NAALADL2: variants seen among roughly 807,000 people sequenced by gnomAD.
NAALADL2 encodes the protein N-acetylated alpha-linked acidic dipeptidase like 2, also known as inactive N-acetylated-alpha-linked acidic dipeptidase-like protein 2.
NAALADL2 carries 76 observed loss-of-function variants against 87.2 expected under a neutral mutation model. The ratio of observed to expected loss-of-function variants is 0.87; its 90% CI spans 0.72 to 1.05. NAALADL2 has a LOEUF of 1.05. NAALADL2 is among the 50% of genes least tolerant of loss of function. The pLI is 0.00. For synonymous variants in NAALADL2, 354 were observed against 331.0 expected (o/e 1.07, Z -0.75); for missense variants, 1,089 against 945.8 (o/e 1.15, Z -1.99).
At chr3:175,048,941 G>A (rs1041507753) in intron 1 of NAALADL2, among the ~76,000 whole-genome samples, 8 of 152,156 alleles carry the variant, frequency 5.3e-5, no homozygotes, top group African/African-American at 1.4e-4. Context: ...AAACCACTTA[G>A]TTTCCTAAGC....
At chr3:175,476,127 T>C (rs1419245210) in intron 9 of NAALADL2, among the ~76,000 whole-genome samples, 1 of 152,230 alleles carries the variant, frequency 6.6e-6, no homozygotes, top group Non-Finnish European at 1.5e-5. Flanking sequence ...ACTTTTTTTA[T>C]ATACAAAGCA....
chr3:175,176,171 A>G (rs1371806944), intron 2 of NAALADL2, among the ~76,000 whole-genome samples: 2 of 151,884 alleles, frequency 1.3e-5, no homozygotes, highest in Non-Finnish European at 1.5e-5. Flanking sequence ...GAGAGCTGTA[A>G]CTCTATTTCC....
chr3:174,931,875 A>G (rs1487425629), intron 1 of NAALADL2, among the ~76,000 whole-genome samples: 1 of 152,218 alleles, frequency 6.6e-6, no homozygotes, highest in East Asian at 1.9e-4. Flanking sequence ...CTTCTATTGC[A>G]TGATGGCTTG....
intron 2 of NAALADL2, among the ~76,000 whole-genome samples, chr3:174,721,568 G>C (rs1210344660): frequency 6.6e-6 from 1 of 152,164 alleles, no homozygotes; most frequent in Non-Finnish European, 1.5e-5. Context: ...ATAAAATAAC[G>C]TTTGTGTCTG....
At chr3:174,962,412 C>CAT (rs59026426) in intron 1 of NAALADL2, among the ~76,000 whole-genome samples, 1,594 of 88,800 alleles carry the variant, frequency 0.018, 66 homozygotes, top group African/African-American at 0.049. Context: ...GTGACTATGA[C>CAT]ATATATATAT....
chr3:175,116,969 C>A (rs1459807920), intron 2 of NAALADL2, among the ~76,000 whole-genome samples: 3 of 152,020 alleles, frequency 2.0e-5, no homozygotes, highest in Non-Finnish European at 4.4e-5. Flanking sequence ...ACATCTACAA[C>A]CATCTGATAT....
chr3:175,643,345 T>G (rs1729552853), intron 11 of NAALADL2, among the ~76,000 whole-genome samples: 1 of 152,230 alleles, frequency 6.6e-6, no homozygotes, highest in Non-Finnish European at 1.5e-5. Flanking sequence ...TACAAAAGTT[T>G]CTCTAGGATA....
chr3:175,709,103 G>T (rs1740159498), intron 11 of NAALADL2, among the ~76,000 whole-genome samples: 1 of 152,034 alleles, frequency 6.6e-6, no homozygotes, highest in South Asian at 2.1e-4. Context: ...ATCTCCACCA[G>T]TTCTACAGGG....
At position 174,930,298 on chromosome 3, in the gene NAALADL2, A is replaced by C. The variant is rs189548342; in HGVS notation, c.43+70848A>C. ...ATATTATTCCCTGTGATTTTTTTAAAAAAATGTTTTTATTTCTGTAATATA... is the reference window on the plus strand; with the variant it reads ...ATATTATTCCCTGTGATTTTTTTAACAAAATGTTTTTATTTCTGTAATATA... On this transcript the variant is annotated intron_variant, in intron 1 of 13. Coordinates refer to ENST00000454872, the MANE Select transcript of NAALADL2 (RefSeq NM_207015.3). 1.0e-3 allele frequency among the ~76,000 whole-genome samples: 153 copies of C among 152,176 alleles called. 1 individual carries two copies. The highest frequency in any genetic ancestry group is 3.5e-3 in the African/African-American group (145 of 41,538).
intron 1 of NAALADL2, among the ~76,000 whole-genome samples, chr3:175,048,251 T>C (rs188308303): frequency 6.6e-6 from 1 of 152,316 alleles, no homozygotes; most frequent in Non-Finnish European, 1.5e-5. Flanking sequence ...AAATATCTTT[T>C]AGAGTTAAAA....
intron 2 of NAALADL2, among the ~76,000 whole-genome samples, chr3:174,662,124 TA>T (rs1287930423): frequency 6.6e-6 from 1 of 151,968 alleles, no homozygotes; most frequent in Non-Finnish European, 1.5e-5. Flanking sequence ...TTTGAAAATT[TA>T]AAAAAAATTA....
At chr3:175,567,825 C>G (rs1560771954) in intron 9 of NAALADL2, among the ~76,000 whole-genome samples, 1 of 151,872 alleles carries the variant, frequency 6.6e-6, no homozygotes, top group Non-Finnish European at 1.5e-5. Context: ...AAGCAATCCT[C>G]CTGCCTCTAC....
At chr3:175,252,462 C>T (rs1281801066) in intron 3 of NAALADL2, among the ~76,000 whole-genome samples, 1 of 152,128 alleles carries the variant, frequency 6.6e-6, no homozygotes, top group Non-Finnish European at 1.5e-5. Flanking sequence ...CTGCTGTACC[C>T]ACCAGCCATT....
chr3:174,779,836 G>A (rs897590073), intron 3 of NAALADL2, among the ~76,000 whole-genome samples: 1 of 151,934 alleles, frequency 6.6e-6, no homozygotes, highest in Non-Finnish European at 1.5e-5. Flanking sequence ...GTCTACATAT[G>A]TGTTTTGGTA....
chr3:175,176,776 A>G (rs9835393), intron 2 of NAALADL2, among the ~76,000 whole-genome samples: 22,149 of 152,012 alleles, frequency 0.15, 2,011 homozygotes, highest in African/African-American at 0.25. Flanking sequence ...GATGGACCTT[A>G]GAAGTGGGAA....
At position 175,737,687 on chromosome 3, in the gene NAALADL2, T is replaced by A. The variant is rs138974507; in HGVS notation, c.1990+288T>A. Among the ~76,000 whole-genome samples, 51 of 149,380 alleles carry A rather than the reference T, an allele frequency of 3.4e-4. No homozygotes were observed. The East Asian group carries it at 9.2e-3, about 27-fold the overall frequency. ...TTTCTGTTATTATTTACAGGTTTCA[T>A]GTAGAATAATACAGTTCAATGATCC... On this transcript the variant is annotated intron_variant, in intron 12 of 13. Transcript: ENST00000454872.
At chr3:175,558,311 GTA>G (rs1012182474) in intron 9 of NAALADL2, among the ~76,000 whole-genome samples, 5 of 151,306 alleles carry the variant, frequency 3.3e-5, no homozygotes, top group Admixed American at 3.3e-4. Flanking sequence ...TTTGAGCTCT[GTA>G]TATATTCTGG....
At chr3:174,739,699 C>G (rs919863830) in intron 3 of NAALADL2, among the ~76,000 whole-genome samples, 1 of 152,006 alleles carries the variant, frequency 6.6e-6, no homozygotes, top group Non-Finnish European at 1.5e-5. Context: ...ATGTCATAGT[C>G]CAGCCATGTT....
At chr3:174,926,448 C>T (rs1414052728) in intron 1 of NAALADL2, among the ~76,000 whole-genome samples, 1 of 151,932 alleles carries the variant, frequency 6.6e-6, no homozygotes, top group Admixed American at 6.6e-5. Flanking sequence ...TTAAGGGCAG[C>T]CAGAGAGAAA....
Sources: gnomAD v4.1 joint callset for allele counts (sites outside exome capture counted in the v4.1 genomes callset) on GRCh38, gnomAD v4.1.1 for gene constraint, MANE v1.5 for transcripts, NCBI Gene and HGNC (gene_info 2026-07-23, HGNC 2026-07-21) for gene names.